LHFPL7: variants seen among roughly 807,000 people sequenced by gnomAD.
LHFPL7 encodes LHFPL tetraspan subfamily member 7, also known as LHFPL tetraspan subfamily member 7 protein.
At chr22:24,942,235 C>T in the LHFPL7 span, among the ~76,000 whole-genome samples, 1 of 152,154 alleles carries the variant, frequency 6.6e-6, no homozygotes, top group Non-Finnish European at 1.5e-5. Flanking sequence ...ACCTTGTGAT[C>T]CACCCGCCTC....
chr22:24,939,924 CTTTTTTTTTTT>C, the LHFPL7 span, among the ~76,000 whole-genome samples: 1 of 86,980 alleles, frequency 1.1e-5, no homozygotes, highest in East Asian at 4.5e-4. Context: ...TCATTTATCG[CTTTTTTTTTTT>C]TTTTTTTTTT....
At chr22:24,940,986 TGTGGAAACAA>T in the LHFPL7 span, among the ~76,000 whole-genome samples, 1 of 152,228 alleles carries the variant, frequency 6.6e-6, no homozygotes, top group East Asian at 1.9e-4. Flanking sequence ...TTTTCTTTTC[TGTGGAAACAA>T]GGTCTCCCTA....
the LHFPL7 span, among the ~76,000 whole-genome samples, chr22:24,940,252 C>T: frequency 2.7e-5 from 4 of 149,008 alleles, no homozygotes; most frequent in Non-Finnish European, 4.5e-5. Flanking sequence ...CATGGAGCCT[C>T]CTCTGTTCTA....
chr22:24,935,452 C>T, the LHFPL7 span: 5 of 1,613,926 alleles, frequency 3.1e-6, no homozygotes, highest in Non-Finnish European at 4.2e-6. Context: ...CTGGCCAGGA[C>T]TGCATTGAGG....
the LHFPL7 span, chr22:24,937,997 G>T: frequency 8.4e-7 from 1 of 1,188,564 alleles, no homozygotes; most frequent in Non-Finnish European, 1.1e-6. Flanking sequence ...GCTTGCCAAA[G>T]GACCAGGAAT....
the LHFPL7 span, chr22:24,935,534 C>T: frequency 3.0e-5 from 49 of 1,613,850 alleles, no homozygotes; most frequent in Non-Finnish European, 3.9e-5. Flanking sequence ...CGCACACTTC[C>T]TTGATGAATG....
chr22:24,946,108 G>A, the LHFPL7 span, among the ~76,000 whole-genome samples: 1 of 152,138 alleles, frequency 6.6e-6, no homozygotes, highest in Non-Finnish European at 1.5e-5. Flanking sequence ...TCAGGAGTTC[G>A]AGACCAGCCT....
At chr22:24,935,456 A>G in the LHFPL7 span, 1 of 1,614,078 alleles carries the variant, frequency 6.2e-7, no homozygotes, top group South Asian at 1.1e-5. Context: ...CCAGGACTGC[A>G]TTGAGGATAG....
chr22:24,936,920 C>T, the LHFPL7 span, among the ~76,000 whole-genome samples: 13 of 152,194 alleles, frequency 8.5e-5, no homozygotes, highest in South Asian at 1.7e-3. Context: ...CCGCCCCCCC[C>T]GCCGCCCAAC....
At chr22:24,936,917 C>G in the LHFPL7 span, among the ~76,000 whole-genome samples, 2 of 152,076 alleles carry the variant, frequency 1.3e-5, no homozygotes, top group African/African-American at 4.8e-5. Context: ...CCCCCGCCCC[C>G]CCCGCCGCCC....
the LHFPL7 span, chr22:24,938,112 C>T: frequency 6.4e-7 from 1 of 1,572,382 alleles, no homozygotes; most frequent in East Asian, 2.3e-5. Flanking sequence ...ATAAATATGT[C>T]TAGAGCACTG....
chr22:24,941,847 A>G, the LHFPL7 span, among the ~76,000 whole-genome samples: 1 of 151,638 alleles, frequency 6.6e-6, no homozygotes, highest in African/African-American at 2.4e-5. Context: ...TTGTATTTTC[A>G]GTAGAGATGG....
chr22:24,939,875 C>T, the LHFPL7 span, among the ~76,000 whole-genome samples: 1 of 151,358 alleles, frequency 6.6e-6, no homozygotes, highest in Non-Finnish European at 1.5e-5. Flanking sequence ...TCTCATATTC[C>T]GTGCATACTT....
chr22:24,935,713 CATTT>C, the LHFPL7 span: 1 of 1,337,934 alleles, frequency 7.5e-7, no homozygotes, highest in Non-Finnish European at 1.0e-6. Flanking sequence ...CTCATTCATT[CATTT>C]GCTTATTTAT....
the LHFPL7 span, among the ~76,000 whole-genome samples, chr22:24,938,532 T>G: frequency 6.6e-6 from 1 of 152,172 alleles, no homozygotes. Flanking sequence ...CCAATAAAAG[T>G]CCAAGAAACT....
the LHFPL7 span, among the ~76,000 whole-genome samples, chr22:24,937,387 G>T: frequency 2.0e-5 from 3 of 152,206 alleles, no homozygotes; most frequent in Non-Finnish European, 4.4e-5. Flanking sequence ...GCCTGGCAGA[G>T]GAAGGAAGAG....
chr22:24,936,490 G>A, the LHFPL7 span, among the ~76,000 whole-genome samples: 12 of 152,232 alleles, frequency 7.9e-5, 1 homozygote, highest in South Asian at 2.3e-3. Flanking sequence ...ATGCAGTCAC[G>A]TGTTCATTCA....
At chr22:24,943,381 G>C in the LHFPL7 span, among the ~76,000 whole-genome samples, 1 of 152,170 alleles carries the variant, frequency 6.6e-6, no homozygotes, top group African/African-American at 2.4e-5. Context: ...ATCCGGCCAG[G>C]CTGCAATTGG....
chr22:24,945,591 GGAGGTGTCTGAGTGT>G, the LHFPL7 span, among the ~76,000 whole-genome samples: 1 of 152,328 alleles, frequency 6.6e-6, no homozygotes, highest in African/African-American at 2.4e-5. Flanking sequence ...TAGGGCAGCC[GGAGGTGTCTGAGTGT>G]GAGGTTGCGT....
Sources: gnomAD v4.1 joint callset for allele counts (sites outside exome capture counted in the v4.1 genomes callset) on GRCh38, gnomAD v4.1.1 for gene constraint, MANE v1.5 for transcripts, NCBI Gene and HGNC (gene_info 2026-07-23, HGNC 2026-07-21) for gene names.